Variants in SYT16 observed in about 807,000 individuals in gnomAD.
SYT16 encodes the protein synaptotagmin-16.
In SYT16, 42 loss-of-function variants were observed where a neutral mutation model predicts 61.4. That is an observed-to-expected ratio of 0.68 (90% CI 0.53 to 0.89). The LOEUF is 0.89. Among genes scored for constraint, SYT16 ranks in the 40% least tolerant of loss-of-function variants. SYT16 has a pLI of 0.00. For synonymous variants in SYT16, 314 were observed against 302.3 expected (o/e 1.04, Z -0.40); for missense variants, 804 against 807.3 (o/e 1.00, Z 0.05).
At chr14:61,864,836 C>A in intron 1 of SYT16, 1 of 1,032,132 alleles carries the variant, frequency 9.7e-7, no homozygotes. Flanking sequence ...TGACGGTGGG[C>A]CTTGCTATCG....
At chr14:61,957,409 A>C (rs1396549672) in intron 1 of SYT16, among the ~76,000 whole-genome samples, 1 of 151,930 alleles carries the variant, frequency 6.6e-6, no homozygotes, top group African/African-American at 2.4e-5. Context: ...GAAGCTTTCC[A>C]CTTTTCATTG....
intron 1 of SYT16, among the ~76,000 whole-genome samples, chr14:61,923,048 CAAAA>C (rs140168317): frequency 4.2e-5 from 4 of 95,480 alleles, no homozygotes; most frequent in African/African-American, 4.3e-5. Flanking sequence ...GACTCTGTCT[CAAAA>C]AAAAAAAAAA....
chr14:61,855,528 A>G (rs1389084826), intron 1 of SYT16, among the ~76,000 whole-genome samples: 1 of 152,186 alleles, frequency 6.6e-6, no homozygotes, highest in Non-Finnish European at 1.5e-5. Context: ...ATCTCATGTA[A>G]TATATTGAAT....
intron 2 of SYT16, among the ~76,000 whole-genome samples, chr14:61,987,242 A>G (rs2052354103): frequency 6.6e-6 from 1 of 152,128 alleles, no homozygotes; most frequent in African/African-American, 2.4e-5. Flanking sequence ...GAGCAACTAA[A>G]AGGAGGAGGT....
intron 2 of SYT16, among the ~76,000 whole-genome samples, chr14:61,976,944 G>A (rs1005110086): frequency 2.6e-5 from 4 of 151,764 alleles, no homozygotes; most frequent in African/African-American, 9.7e-5. Context: ...TTAAACATAA[G>A]TTTTAAATTC....
rs10610233 is a variant in SYT16, at chr14:62,016,539, C to CA, written c.523+20021dup. 5.2e-3 allele frequency among the ~76,000 whole-genome samples: 501 copies of CA among 97,246 alleles called. 1 individual carries two copies. The highest frequency in any genetic ancestry group is 0.015 in the Middle Eastern group (3 of 194). The allele number at this position is 97,246 out of a possible 152,430, so 63.8% of individuals were successfully genotyped here. On this transcript the variant is annotated intron_variant, in intron 3 of 7. Transcript: ENST00000683842. ...TGAAACCCTGTCTCTTCTAAAAATA[C>CA]AAAAAAAAAAAAAAAAAAAAAAAAT...
At chr14:62,057,884 CAT>C (rs150858650) in intron 3 of SYT16, among the ~76,000 whole-genome samples, 4,421 of 152,178 alleles carry the variant, frequency 0.029, 229 homozygotes, top group African/African-American at 0.1. Context: ...GTCAAGAAAA[CAT>C]ATATTTACAT....
At chr14:62,019,842 C>T (rs2053844873) in intron 3 of SYT16, among the ~76,000 whole-genome samples, 1 of 152,146 alleles carries the variant, frequency 6.6e-6, no homozygotes, top group Admixed American at 6.5e-5. Flanking sequence ...GATGAGCTGC[C>T]CACTACATCA....
chr14:61,865,860 C>A (rs1412961571), intron 1 of SYT16, among the ~76,000 whole-genome samples: 1 of 152,088 alleles, frequency 6.6e-6, no homozygotes, highest in African/African-American at 2.4e-5. Context: ...CCACCTCCCC[C>A]AGTCAAAATG....
At chr14:62,089,425 C>T (rs1256864576) in intron 7 of SYT16, among the ~76,000 whole-genome samples, 1 of 151,936 alleles carries the variant, frequency 6.6e-6, no homozygotes, top group East Asian at 1.9e-4. Context: ...CTGGGCATTT[C>T]TTCTTTTCGA....
chr14:61,839,727 G>A (rs555269561), intron 1 of SYT16, among the ~76,000 whole-genome samples: 5 of 152,256 alleles, frequency 3.3e-5, no homozygotes, highest in South Asian at 2.1e-4. Flanking sequence ...CAACAAAATC[G>A]TAATTTATTT....
intron 1 of SYT16, among the ~76,000 whole-genome samples, chr14:61,889,016 A>G (rs755722296): frequency 6.6e-6 from 1 of 152,164 alleles, no homozygotes; most frequent in Non-Finnish European, 1.5e-5. Context: ...GCATAAAATA[A>G]GGTATTTAGA....
chr14:62,027,005 T>C (rs1223380983), intron 3 of SYT16, among the ~76,000 whole-genome samples: 4 of 152,190 alleles, frequency 2.6e-5, no homozygotes, highest in African/African-American at 9.6e-5. Context: ...TTCAATGCTG[T>C]GTGTCTCCGC....
At chr14:62,031,330 T>C (rs2140805481) in intron 3 of SYT16, among the ~76,000 whole-genome samples, 1 of 152,322 alleles carries the variant, frequency 6.6e-6, no homozygotes, top group East Asian at 1.9e-4. Flanking sequence ...TATTCACATT[T>C]AGCACAAACA....
chr14:61,994,524 G>C (rs1321447441), intron 2 of SYT16, among the ~76,000 whole-genome samples: 5 of 152,142 alleles, frequency 3.3e-5, no homozygotes, highest in African/African-American at 1.2e-4. Flanking sequence ...GTATATTTTG[G>C]AGTTTCAAAA....
intron 1 of SYT16, among the ~76,000 whole-genome samples, chr14:61,871,005 T>C (rs1448514080): frequency 6.6e-6 from 1 of 152,220 alleles, no homozygotes; most frequent in Non-Finnish European, 1.5e-5. Flanking sequence ...GAATTTTATA[T>C]TGTTGGACGG....
chr14:61,851,055 C>T (rs2046601255), intron 1 of SYT16, among the ~76,000 whole-genome samples: 1 of 152,106 alleles, frequency 6.6e-6, no homozygotes, highest in Non-Finnish European at 1.5e-5. Context: ...GATGCTCTCC[C>T]TCCTCCCACC....
Position 62,107,929 on chromosome 14 carries a change from CTT to C in SYT16, c.*7223_*7224del, listed in dbSNP as rs1212888752. 6.6e-6 allele frequency: 1 copy of C among 152,208 alleles called. No individual in the cohort carries two copies. Among genetic ancestry groups the C allele is most frequent in the Non-Finnish European group, 1.5e-5 (1 of 68,038 alleles). The allele number at this position is 152,208 out of a possible 1,614,324, so 9.4% of individuals were successfully genotyped here. A position where few individuals can be genotyped will look rare whatever the true frequency, so the allele number is the denominator to read the frequency against. ...TCCTGGAATGCTAGGTCTGTACAAA[CTT>C]GACACATTTCTTACAAGCTCTGTGT... On this transcript the variant is annotated 3_prime_UTR_variant, in exon 8 of 8. Coordinates refer to ENST00000683842, the MANE Select transcript of SYT16 (RefSeq NM_001367656.1).
chr14:61,903,270 T>A (rs965459732), intron 1 of SYT16, among the ~76,000 whole-genome samples: 1 of 152,148 alleles, frequency 6.6e-6, no homozygotes, highest in African/African-American at 2.4e-5. Context: ...ATGTCTTTTT[T>A]TTTTTTTAGG....
Sources: gnomAD v4.1 joint callset for allele counts (sites outside exome capture counted in the v4.1 genomes callset) on GRCh38, gnomAD v4.1.1 for gene constraint, MANE v1.5 for transcripts, NCBI Gene and HGNC (gene_info 2026-07-23, HGNC 2026-07-21) for gene names.